Variants in SYTL5 observed in about 807,000 individuals in gnomAD.
The protein encoded by SYTL5 is synaptotagmin like 5.
A neutral mutation model predicts 55.9 loss-of-function variants in SYTL5; 34 were observed. That is an observed-to-expected ratio of 0.61 (90% confidence interval 0.46 to 0.81). The LOEUF (loss-of-function observed/expected upper bound fraction) is 0.81, where lower values mean the gene tolerates loss of function less well. Among genes scored for constraint, SYTL5 ranks in the 30% least tolerant of loss-of-function variants. SYTL5 has a pLI of 0.00. For synonymous variants in SYTL5, 221 were observed against 188.7 expected (o/e 1.17, Z -1.40); for missense variants, 637 against 546.7 (o/e 1.17, Z -1.65).
intron 2 of SYTL5, among the ~76,000 whole-genome samples, chrX:38,040,320 T>A (rs1935246048): frequency 8.9e-6 from 1 of 111,980 alleles, no homozygotes; most frequent in Non-Finnish European, 1.9e-5. Flanking sequence ...TGTTTATCCC[T>A]TGAGTTACAA....
At chrX:37,968,579 G>A in the SYTL5 span, among the ~76,000 whole-genome samples, 2 of 111,606 alleles carry the variant, frequency 1.8e-5, no homozygotes, top group African/African-American at 3.3e-5. Flanking sequence ...CATATTAGGT[G>A]GGAGGATATC....
chrX:37,895,867 A>T, the SYTL5 span, among the ~76,000 whole-genome samples: 1 of 112,045 alleles, frequency 8.9e-6, no homozygotes, highest in East Asian at 2.8e-4. Flanking sequence ...TTACAAGTGG[A>T]TTTGCATTGA....
intron 3 of SYTL5, among the ~76,000 whole-genome samples, chrX:38,055,352 G>A (rs1404475225): frequency 5.4e-5 from 6 of 111,729 alleles, no homozygotes; most frequent in African/African-American, 2.0e-4. Context: ...TTGGGTGAAA[G>A]CCAAGAGTCA....
the SYTL5 span, among the ~76,000 whole-genome samples, chrX:37,936,659 C>T: frequency 9.0e-6 from 1 of 111,557 alleles, no homozygotes. Context: ...CTGAGGCTTC[C>T]TTCATTGAAC....
At chrX:38,096,975 T>C (rs1258333326) in intron 9 of SYTL5, among the ~76,000 whole-genome samples, 1 of 111,596 alleles carries the variant, frequency 9.0e-6, no homozygotes, top group Non-Finnish European at 1.9e-5. Context: ...AAAGAATTAC[T>C]AATTCCAACA....
At chrX:38,082,159 C>T (rs779943900) in intron 6 of SYTL5, among the ~76,000 whole-genome samples, 4 of 111,977 alleles carry the variant, frequency 3.6e-5, no homozygotes, top group Admixed American at 9.5e-5. Context: ...ATGCTTCATT[C>T]CTGTGATCAA....
intron 3 of SYTL5, among the ~76,000 whole-genome samples, chrX:38,063,089 G>GT (rs201399864): frequency 0.093 from 9,965 of 106,903 alleles, 659 homozygotes; most frequent in South Asian, 0.2. Flanking sequence ...GGTATGTGGA[G>GT]TTTTTTTTTT....
chrX:38,000,878 ATT>A, the SYTL5 span, among the ~76,000 whole-genome samples: 2 of 111,228 alleles, frequency 1.8e-5, no homozygotes, highest in African/African-American at 6.5e-5. Flanking sequence ...CGAACTCCGC[ATT>A]GTTTTGCTGG....
chrX:37,909,119 C>A, the SYTL5 span, among the ~76,000 whole-genome samples: 5 of 105,630 alleles, frequency 4.7e-5, no homozygotes, highest in Admixed American at 4.0e-4. Context: ...CCCCCTCCCC[C>A]ACACACAGTT....
chrX:38,095,903 GAACACCT>G (rs1384630113), intron 8 of SYTL5, among the ~76,000 whole-genome samples: 2 of 110,950 alleles, frequency 1.8e-5, no homozygotes, highest in Admixed American at 1.9e-4. Flanking sequence ...AAGGAAACAT[GAACACCT>G]AAGTGTAATT....
chrX:37,938,512 A>G, the SYTL5 span, among the ~76,000 whole-genome samples: 1 of 112,319 alleles, frequency 8.9e-6, no homozygotes. Context: ...TTGAATGGAA[A>G]AGAAACTTAA....
At chrX:37,892,479 T>C in the SYTL5 span, among the ~76,000 whole-genome samples, 7 of 100,626 alleles carry the variant, frequency 7.0e-5, no homozygotes, top group African/African-American at 2.5e-4. Context: ...TGTGTATATG[T>C]GTATATACAT....
intron 6 of SYTL5, among the ~76,000 whole-genome samples, chrX:38,082,849 T>A (rs1253917181): frequency 9.0e-6 from 1 of 111,724 alleles, no homozygotes; most frequent in Non-Finnish European, 1.9e-5. Context: ...AAGAAACTGT[T>A]CAGAGTTTCT....
At chrX:38,081,542 A>G (rs915099302) in intron 6 of SYTL5, among the ~76,000 whole-genome samples, 149 of 111,917 alleles carry the variant, frequency 1.3e-3, no homozygotes, top group African/African-American at 4.7e-3. Flanking sequence ...TTGGAAGACA[A>G]TCCTGAAATA....
At chrX:37,959,477 C>T in the SYTL5 span, among the ~76,000 whole-genome samples, 2 of 111,637 alleles carry the variant, frequency 1.8e-5, no homozygotes, top group Non-Finnish European at 3.8e-5. Flanking sequence ...TCAGGTACCG[C>T]GGTTTAAAGT....
At chrX:38,087,327 T>C (rs774910001) in intron 6 of SYTL5, among the ~76,000 whole-genome samples, 23 of 112,346 alleles carry the variant, frequency 2.0e-4, no homozygotes, top group Admixed American at 1.1e-3. Context: ...ACCTCTGAGA[T>C]GAGCAGAATA....
rs745601830 is a variant in SYTL5 at position 38,106,770 on chromosome X, G to A, written c.1333G>A (p.Ala445Thr). 4.3e-5 allele frequency: 51 copies of A among 1,187,750 alleles called. No individual in the cohort carries two copies. Among genetic ancestry groups the A allele is most frequent in the Non-Finnish European group, 5.5e-5 (49 of 883,948 alleles). Residue 445 changes from alanine (A) to threonine (T), a missense_variant and splice_region_variant, in exon 11 of 17, where the codon GCT becomes ACT. By Grantham distance (58) the Ala-to-Thr change is moderately conservative. Coordinates refer to ENST00000297875, the MANE Select transcript of SYTL5 (RefSeq NM_138780.3). ...IGDEKKQRTD[A>T]YVKSYLLPDK... ...AGATGAAAAGAAACAGAGGACAGAT[G>A]CGTAAGCACATAGCATGTTCCTCAG... is the stretch of plus-strand genomic sequence containing the variant.
chrX:37,914,514 T>C, the SYTL5 span, among the ~76,000 whole-genome samples: 1 of 111,456 alleles, frequency 9.0e-6, no homozygotes, highest in South Asian at 3.8e-4. Flanking sequence ...CACAACACAT[T>C]CTTAGGAATC....
chrX:38,083,804 G>A (rs1328370279), intron 6 of SYTL5, among the ~76,000 whole-genome samples: 1 of 105,216 alleles, frequency 9.5e-6, no homozygotes, highest in Non-Finnish European at 1.9e-5. Flanking sequence ...GTGTGTGTGT[G>A]TGTGTTTGTG....
Sources: gnomAD v4.1 joint callset for allele counts (sites outside exome capture counted in the v4.1 genomes callset) on GRCh38, gnomAD v4.1.1 for gene constraint, MANE v1.5 for transcripts, NCBI Gene and HGNC (gene_info 2026-07-23, HGNC 2026-07-21) for gene names.